MAMDC2: variants seen among roughly 807,000 people sequenced by gnomAD.
MAMDC2 encodes the protein MAM domain containing 2.
In MAMDC2, 57 loss-of-function variants were observed where a neutral mutation model predicts 89.8. The ratio of observed to expected loss-of-function variants is 0.63; its 90% CI spans 0.51 to 0.79. MAMDC2 has a LOEUF of 0.79. Ranked by LOEUF, MAMDC2 falls within the 30% of genes least tolerant of loss-of-function variation. The pLI is 0.00. For synonymous variants in MAMDC2, 313 were observed against 293.4 expected, an observed-to-expected ratio of 1.07 and a Z score of -0.68; for missense variants, 800 against 820.6, an observed-to-expected ratio of 0.97 and a Z score of 0.31.
At chr9:70,072,239 A>G (rs1827425476) in intron 2 of MAMDC2, among the ~76,000 whole-genome samples, 1 of 152,162 alleles carries the variant, frequency 6.6e-6, no homozygotes, top group African/African-American at 2.4e-5. Flanking sequence ...TTTCCTGACC[A>G]TCAGTGTCAC....
intron 2 of MAMDC2, among the ~76,000 whole-genome samples, chr9:70,103,895 T>C (rs1212615596): frequency 6.6e-6 from 1 of 151,666 alleles, no homozygotes; most frequent in Non-Finnish European, 1.5e-5. Flanking sequence ...GGTAGGAGAA[T>C]TGCTTGAGCC....
chr9:70,181,569 C>T (rs879873493), intron 11 of MAMDC2, among the ~76,000 whole-genome samples: 1 of 152,138 alleles, frequency 6.6e-6, no homozygotes, highest in African/African-American at 2.4e-5. Flanking sequence ...AGGTCCTTCA[C>T]ATCCCTTGTA....
chr9:70,084,366 T>A (rs976024417), intron 2 of MAMDC2, among the ~76,000 whole-genome samples: 1 of 152,144 alleles, frequency 6.6e-6, no homozygotes, highest in African/African-American at 2.4e-5. Flanking sequence ...AAATCTGTTT[T>A]GTTTACAGCT....
chr9:70,073,036 T>C (rs542587543), intron 2 of MAMDC2, among the ~76,000 whole-genome samples: 1 of 152,342 alleles, frequency 6.6e-6, no homozygotes, highest in Non-Finnish European at 1.5e-5. Context: ...AGTTTCACCA[T>C]GTTGGCCAGG....
chr9:70,044,717 A>T lies in MAMDC2; in HGVS notation c.148+20A>T. On this transcript the variant is annotated intron_variant, in intron 2 of 13. Transcript: ENST00000377182. ...AGGAAGGTAAGGAGGCTCGGTGGAG[A>T]GGGGCGCGAAGTGAACTTTCTTCCT... The T allele has an allele frequency of 6.6e-7, 1 of 1,516,514 alleles. No individual in the cohort carries two copies. Among genetic ancestry groups the T allele is most frequent in the Middle Eastern group, 1.7e-4 (1 of 5,936 alleles). 93.9% of individuals were successfully genotyped at this position (1,516,514 alleles called of 1,614,324 possible). A position where few individuals can be genotyped will look rare whatever the true frequency, so the allele number is the denominator to read the frequency against.
intron 5 of MAMDC2, among the ~76,000 whole-genome samples, chr9:70,122,087 G>T (rs2030311317): frequency 6.6e-6 from 1 of 152,208 alleles, no homozygotes; most frequent in Non-Finnish European, 1.5e-5. Flanking sequence ...TCCCCAATGA[G>T]AAGCTTAATG....
At chr9:70,139,866 AG>A (rs1417614792) in intron 7 of MAMDC2, among the ~76,000 whole-genome samples, 2 of 152,070 alleles carry the variant, frequency 1.3e-5, no homozygotes, top group Non-Finnish European at 2.9e-5. Context: ...TTTCCATGGG[AG>A]GAAATTTCTT....
At chr9:70,139,471 T>C (rs922776641) in intron 7 of MAMDC2, among the ~76,000 whole-genome samples, 2 of 151,558 alleles carry the variant, frequency 1.3e-5, no homozygotes, top group African/African-American at 4.9e-5. Flanking sequence ...TATGGCTGCA[T>C]AGTATTCCAT....
chr9:70,187,002 C>T (rs538303108), intron 11 of MAMDC2, among the ~76,000 whole-genome samples: 1 of 152,198 alleles, frequency 6.6e-6, no homozygotes, highest in South Asian at 2.1e-4. Context: ...CATTGGGGAT[C>T]ACATTTCAAC....
intron 2 of MAMDC2, among the ~76,000 whole-genome samples, chr9:70,070,958 A>G (rs1161860795): frequency 1.3e-5 from 2 of 152,226 alleles, no homozygotes; most frequent in East Asian, 1.9e-4. Flanking sequence ...TCAAAAAATC[A>G]TGATCAATTA....
At chr9:70,219,287 T>C (rs2033510772) in intron 12 of MAMDC2, among the ~76,000 whole-genome samples, 2 of 152,372 alleles carry the variant, frequency 1.3e-5, no homozygotes, top group African/African-American at 4.8e-5. Context: ...AGATTTTACC[T>C]GCCTACCATG....
intron 11 of MAMDC2, among the ~76,000 whole-genome samples, chr9:70,181,427 A>G (rs2032644075): frequency 6.6e-6 from 1 of 152,158 alleles, no homozygotes; most frequent in African/African-American, 2.4e-5. Flanking sequence ...CATTGAATCT[A>G]TAAATTACTT....
chr9:70,204,822 G>A (rs968913604), intron 11 of MAMDC2, among the ~76,000 whole-genome samples: 4 of 152,216 alleles, frequency 2.6e-5, no homozygotes, highest in African/African-American at 4.8e-5. Flanking sequence ...CGATTTTCCA[G>A]GTGTGTCCTT....
At chr9:70,112,746 T>C (rs1828542559) in intron 4 of MAMDC2, among the ~76,000 whole-genome samples, 1 of 152,158 alleles carries the variant, frequency 6.6e-6, no homozygotes, top group Non-Finnish European at 1.5e-5. Flanking sequence ...TGGTAAGTCA[T>C]GCTCCAAGTG....
intron 11 of MAMDC2, among the ~76,000 whole-genome samples, chr9:70,188,096 A>G (rs2032796765): frequency 6.6e-6 from 1 of 152,042 alleles, no homozygotes; most frequent in Non-Finnish European, 1.5e-5. Context: ...GTGGCATCTC[A>G]TGTCTATTTT....
At chr9:70,197,828 AG>A (rs2033003077) in intron 11 of MAMDC2, among the ~76,000 whole-genome samples, 1 of 152,128 alleles carries the variant, frequency 6.6e-6, no homozygotes, top group Non-Finnish European at 1.5e-5. Flanking sequence ...TCATTCATCC[AG>A]GATCACCCAA....
intron 4 of MAMDC2, among the ~76,000 whole-genome samples, chr9:70,112,308 G>A (rs1488566118): frequency 1.3e-5 from 2 of 152,102 alleles, no homozygotes; most frequent in Admixed American, 1.3e-4. Flanking sequence ...TGACACTAAG[G>A]GTAGAAGAGG....
chr9:70,199,069 T>TA (rs1587563157), intron 11 of MAMDC2, among the ~76,000 whole-genome samples: 3 of 151,110 alleles, frequency 2.0e-5, no homozygotes, highest in East Asian at 3.9e-4. Context: ...GTTTTTTTTT[T>TA]ATTATACTTT....
intron 11 of MAMDC2, among the ~76,000 whole-genome samples, chr9:70,196,994 G>A (rs1243618618): frequency 6.6e-6 from 1 of 152,086 alleles, no homozygotes; most frequent in Admixed American, 6.6e-5. Context: ...GGAATTTAAA[G>A]TCCTGTTAAT....
Sources: allele counts gnomAD v4.1 joint callset (sites outside exome capture counted in the v4.1 genomes callset), GRCh38; gene constraint gnomAD v4.1.1; transcripts MANE v1.5; gene names NCBI Gene and HGNC (gene_info 2026-07-23, HGNC 2026-07-21).